The following THEMIS variants were observed in gnomAD, a reference collection of about 807,000 sequenced individuals.
The protein encoded by THEMIS is thymocyte selection associated, also known as protein THEMIS.
In THEMIS, 37 loss-of-function variants were observed where a neutral mutation model predicts 52.6. The ratio of observed to expected loss-of-function variants is 0.70; its 90% CI spans 0.54 to 0.93. The LOEUF is 0.93. Ranked by LOEUF, THEMIS falls within the 40% of genes least tolerant of loss-of-function variation. The probability of loss-of-function intolerance (pLI) is 0.00; values close to 1 mark genes in which losing one functional copy is unlikely to be tolerated. For synonymous variants in THEMIS, 292 were observed against 272.7 expected (o/e 1.07, Z -0.70); for missense variants, 808 against 763.1 (o/e 1.06, Z -0.69).
chr6:127,744,513 C>A (rs187195460), intron 4 of THEMIS, among the ~76,000 whole-genome samples: 1 of 151,930 alleles, frequency 6.6e-6, no homozygotes, highest in Non-Finnish European at 1.5e-5. Flanking sequence ...AGAAGGAAAT[C>A]TTATCATTTG....
intron 5 of THEMIS, among the ~76,000 whole-genome samples, chr6:127,717,886 G>A (rs73595710): frequency 6.6e-6 from 1 of 151,046 alleles, no homozygotes; most frequent in Admixed American, 6.6e-5. Context: ...TCGTCAAAGA[G>A]AATTTAGGAA....
At chr6:127,880,459 G>A (rs1002714288) in intron 1 of THEMIS, among the ~76,000 whole-genome samples, 2 of 150,856 alleles carry the variant, frequency 1.3e-5, no homozygotes, top group Non-Finnish European at 2.9e-5. Flanking sequence ...GGTGGTTTCT[G>A]CTAATGAACA....
At chr6:127,833,030 C>G (rs1013697457) in intron 2 of THEMIS, among the ~76,000 whole-genome samples, 5 of 151,520 alleles carry the variant, frequency 3.3e-5, no homozygotes, top group African/African-American at 1.2e-4. Context: ...GTGATCTGCC[C>G]GCCTCAGCCT....
chr6:127,906,674 G>A (rs76922065), intron 1 of THEMIS, among the ~76,000 whole-genome samples: 2,674 of 151,618 alleles, frequency 0.018, 86 homozygotes, highest in African/African-American at 0.061. Context: ...GTTCCTGTTG[G>A]AAAAAAAATA....
At chr6:127,856,200 C>T (rs1360311185) in intron 1 of THEMIS, among the ~76,000 whole-genome samples, 1 of 151,888 alleles carries the variant, frequency 6.6e-6, no homozygotes, top group Non-Finnish European at 1.5e-5. Flanking sequence ...CTGTGTAGAA[C>T]CACCTCCTCA....
chr6:127,898,102 T>C (rs1217251261), intron 1 of THEMIS, among the ~76,000 whole-genome samples: 2 of 151,752 alleles, frequency 1.3e-5, no homozygotes, highest in Non-Finnish European at 3.0e-5. Flanking sequence ...TTGAGGGAGA[T>C]AGTATATAAT....
chr6:127,753,915 T>C (rs1215097152), intron 4 of THEMIS, among the ~76,000 whole-genome samples: 17 of 151,708 alleles, frequency 1.1e-4, no homozygotes, highest in Non-Finnish European at 2.4e-4. Context: ...CAACAATAAA[T>C]GATGATGATG....
chr6:127,727,916 T>A (rs1774608353), intron 4 of THEMIS, among the ~76,000 whole-genome samples: 1 of 152,078 alleles, frequency 6.6e-6, no homozygotes, highest in African/African-American at 2.4e-5. Flanking sequence ...CTCCTCTAAT[T>A]CACAAGCTCT....
chr6:127,765,467 C>A (rs1776164445), intron 4 of THEMIS, among the ~76,000 whole-genome samples: 1 of 151,980 alleles, frequency 6.6e-6, no homozygotes. Flanking sequence ...GAATTATTAC[C>A]AGTTATTGCA....
upstream of THEMIS, among the ~76,000 whole-genome samples, chr6:127,903,705 C>T (rs192244832): frequency 3.3e-5 from 5 of 151,366 alleles, no homozygotes; most frequent in Non-Finnish European, 5.9e-5. Context: ...ATGAAATACT[C>T]CTGTAAATCA....
At chr6:127,833,042 C>T (rs1415678570) in intron 2 of THEMIS, among the ~76,000 whole-genome samples, 1 of 151,848 alleles carries the variant, frequency 6.6e-6, no homozygotes. Flanking sequence ...CCTCAGCCTC[C>T]CAAAGTGCTG....
At chr6:127,781,696 C>T (rs1048989614) in intron 4 of THEMIS, among the ~76,000 whole-genome samples, 1 of 152,068 alleles carries the variant, frequency 6.6e-6, no homozygotes, top group East Asian at 1.9e-4. Context: ...CACTCCAGAC[C>T]CTGTTTGCCT....
intron 4 of THEMIS, among the ~76,000 whole-genome samples, chr6:127,746,692 T>C (rs1775401632): frequency 8.1e-6 from 1 of 123,038 alleles, no homozygotes; most frequent in Admixed American, 1.1e-4. Context: ...ACATATATTT[T>C]ATTTTATATT....
intron 1 of THEMIS, among the ~76,000 whole-genome samples, chr6:127,884,339 C>T (rs1345103542): frequency 1.3e-5 from 2 of 152,154 alleles, no homozygotes; most frequent in Non-Finnish European, 2.9e-5. Context: ...CCTGACAACT[C>T]TACCATTCCT....
intron 1 of THEMIS, among the ~76,000 whole-genome samples, chr6:127,863,789 C>A (rs1779885669): frequency 6.6e-6 from 1 of 152,098 alleles, no homozygotes; most frequent in African/African-American, 2.4e-5. Context: ...AAGTTGCCTG[C>A]CAGAAAACTA....
intron 3 of THEMIS, among the ~76,000 whole-genome samples, chr6:127,826,906 T>G (rs1476687665): frequency 6.6e-6 from 1 of 152,144 alleles, no homozygotes; most frequent in Non-Finnish European, 1.5e-5. Flanking sequence ...TTGGCCAAGT[T>G]TCCAGAAACA....
chr6:127,831,925 G>A (rs1360587646), intron 2 of THEMIS, among the ~76,000 whole-genome samples: 4 of 152,086 alleles, frequency 2.6e-5, no homozygotes, highest in African/African-American at 7.2e-5. Flanking sequence ...GTGTGTGTGT[G>A]CGCGTGCCTG....
intron 4 of THEMIS, among the ~76,000 whole-genome samples, chr6:127,793,671 C>T (rs1012853716): frequency 6.6e-6 from 1 of 152,116 alleles, no homozygotes; most frequent in Non-Finnish European, 1.5e-5. Context: ...TATAGCAAAG[C>T]AACCTGTAGA....
chr6:127,823,924 A>G (rs77005390), intron 3 of THEMIS, among the ~76,000 whole-genome samples: 10,490 of 152,208 alleles, frequency 0.069, 382 homozygotes, highest in Non-Finnish European at 0.086. Context: ...AGAGGGAAGA[A>G]TGATAAATTA....
Sources: allele counts gnomAD v4.1 joint callset (sites outside exome capture counted in the v4.1 genomes callset), GRCh38; gene constraint gnomAD v4.1.1; transcripts MANE v1.5; gene names NCBI Gene and HGNC (gene_info 2026-07-23, HGNC 2026-07-21).